Variants in GABBR2 observed in about 807,000 individuals in gnomAD.
GABBR2 encodes the protein G-protein coupled receptor 51.
In GABBR2, 23 loss-of-function variants were observed where a neutral mutation model predicts 105.6. That is an observed-to-expected ratio of 0.22 (90% CI 0.16 to 0.31). The LOEUF is 0.31. GABBR2 is among the 10% of genes least tolerant of loss of function. The pLI, the probability that GABBR2 is intolerant of heterozygous loss-of-function variation, is 1.00. For synonymous variants in GABBR2, 478 were observed against 499.7 expected, an observed-to-expected ratio of 0.96 and a Z score of 0.58; for missense variants, 734 against 1,245.5, an observed-to-expected ratio of 0.59 and a Z score of 6.18.
intron 1 of GABBR2, among the ~76,000 whole-genome samples, chr9:98,666,014 A>C (rs142359843): frequency 1.4e-4 from 21 of 152,350 alleles, no homozygotes; most frequent in Admixed American, 1.1e-3. Context: ...TGTTTGATCC[A>C]CTAACGCAGA....
At chr9:98,600,647 C>T (rs1453823060) in intron 1 of GABBR2, among the ~76,000 whole-genome samples, 2 of 152,242 alleles carry the variant, frequency 1.3e-5, no homozygotes, top group East Asian at 3.8e-4. Flanking sequence ...TTGTTATTTG[C>T]ATTCATGTTA....
chr9:98,319,456 T>A (rs902689991), intron 13 of GABBR2, among the ~76,000 whole-genome samples: 1 of 151,554 alleles, frequency 6.6e-6, no homozygotes, highest in African/African-American at 2.4e-5. Context: ...GGGTGATTTT[T>A]TTTTTTTTTC....
At chr9:98,642,659 T>C (rs1483779014) in intron 1 of GABBR2, among the ~76,000 whole-genome samples, 5 of 152,180 alleles carry the variant, frequency 3.3e-5, no homozygotes, top group African/African-American at 9.6e-5. Flanking sequence ...TTTTAGCACA[T>C]CTTGAGCAGG....
chr9:98,508,343 A>G lies in GABBR2; in HGVS notation c.631-11829T>C, dbSNP rs146959634. ...CTACAGTTCCCAGCGTGAGCGATGC[A>G]GAAGATGGGTGATTTCTGCATTTCC... is the stretch of plus-strand genomic sequence containing the variant. On this transcript the variant is annotated intron_variant, in intron 3 of 18. Transcript: ENST00000259455. Among the ~76,000 whole-genome samples the G allele has an allele frequency of 3.5e-3, 527 of 152,364 alleles. 4 individuals carry two copies. The highest frequency in any genetic ancestry group is 0.012 in the African/African-American group (503 of 41,590).
intron 6 of GABBR2, among the ~76,000 whole-genome samples, chr9:98,463,673 T>C (rs1826472686): frequency 6.9e-6 from 1 of 145,264 alleles, no homozygotes; most frequent in Admixed American, 6.8e-5. Flanking sequence ...TCTCCCTCTC[T>C]TGCAGAGCCT....
chr9:98,492,349 T>TTAAAAAAAAA (rs752135873), intron 4 of GABBR2, among the ~76,000 whole-genome samples: 1 of 29,218 alleles, frequency 3.4e-5, no homozygotes, highest in African/African-American at 7.4e-5. Context: ...TGTTTCCTAG[T>TTAAAAAAAAA]AAAAAAAAAA....
intron 7 of GABBR2, among the ~76,000 whole-genome samples, chr9:98,438,253 C>T (rs1825967045): frequency 1.3e-5 from 2 of 152,112 alleles, no homozygotes; most frequent in Admixed American, 1.3e-4. Flanking sequence ...ATTCATCACT[C>T]ATTCGCCATT....
chr9:98,299,998 G>A (rs960730902), intron 16 of GABBR2, among the ~76,000 whole-genome samples: 1 of 151,804 alleles, frequency 6.6e-6, no homozygotes, highest in Non-Finnish European at 1.5e-5. Context: ...GAGTAGCTGG[G>A]ACTACACGTG....
At chr9:98,322,328 G>T (rs1205538017) in intron 13 of GABBR2, among the ~76,000 whole-genome samples, 1 of 151,980 alleles carries the variant, frequency 6.6e-6, no homozygotes, top group Non-Finnish European at 1.5e-5. Context: ...ATTCTTCAAT[G>T]CCCACCCTGG....
At chr9:98,647,074 AC>A (rs1830035743) in intron 1 of GABBR2, among the ~76,000 whole-genome samples, 1 of 152,106 alleles carries the variant, frequency 6.6e-6, no homozygotes, top group Non-Finnish European at 1.5e-5. Context: ...AAAAATAAAT[AC>A]CCTTTCTGAA....
At chr9:98,681,300 G>C (rs1000589482) in intron 1 of GABBR2, among the ~76,000 whole-genome samples, 1 of 73,460 alleles carries the variant, frequency 1.4e-5, no homozygotes, top group African/African-American at 6.0e-5. Context: ...TAGGGACATG[G>C]ATGAAATTGG....
chr9:98,604,814 G>A (rs752619359), intron 1 of GABBR2, among the ~76,000 whole-genome samples: 12 of 152,176 alleles, frequency 7.9e-5, no homozygotes, highest in Non-Finnish European at 1.6e-4. Flanking sequence ...GGCAAACTGA[G>A]GCTCGGAGAG....
chr9:98,606,524 A>C lies in GABBR2; in HGVS notation c.322-28452T>G, dbSNP rs1829425054. Among the ~76,000 whole-genome samples the C allele has an allele frequency of 2.3e-5, 3 of 131,926 alleles. No homozygotes were observed. In the Admixed American group the frequency reaches 2.7e-4, roughly 12 times the overall value. The allele number at this position is 131,926 out of a possible 152,430, so 86.5% of individuals were successfully genotyped here. On this transcript the variant is annotated intron_variant, in intron 1 of 18. Transcript: ENST00000259455. ...GAGATGGAGTCTCACTCTGTTGCTC[A>C]GGCTGGACTGCAATGGCACAGTCTT...
At chr9:98,642,537 G>A (rs1372373816) in intron 1 of GABBR2, among the ~76,000 whole-genome samples, 1 of 152,170 alleles carries the variant, frequency 6.6e-6, no homozygotes, top group African/African-American at 2.4e-5. Context: ...TCTGAGGTCT[G>A]GTCTAACCTA....
intron 1 of GABBR2, among the ~76,000 whole-genome samples, chr9:98,611,749 C>G (rs753053372): frequency 6.6e-6 from 1 of 152,236 alleles, no homozygotes; most frequent in African/African-American, 2.4e-5. Flanking sequence ...CTCCCACCAC[C>G]GGGTACCTTG....
At chr9:98,508,296 G>C (rs778602257) in intron 3 of GABBR2, among the ~76,000 whole-genome samples, 5 of 152,220 alleles carry the variant, frequency 3.3e-5, no homozygotes, top group Non-Finnish European at 7.3e-5. Flanking sequence ...AGCCAAGATG[G>C]CCGAATAGGA....
intron 13 of GABBR2, among the ~76,000 whole-genome samples, chr9:98,358,639 C>T (rs1564030182): frequency 1.3e-5 from 2 of 152,314 alleles, no homozygotes; most frequent in South Asian, 2.1e-4. Flanking sequence ...GGGCCTGATG[C>T]ATAGCTGGTG....
At chr9:98,644,161 G>T (rs555469047) in intron 1 of GABBR2, among the ~76,000 whole-genome samples, 2 of 152,194 alleles carry the variant, frequency 1.3e-5, no homozygotes, top group Admixed American at 6.5e-5. Flanking sequence ...GGGAAAGATG[G>T]TGTCTACACA....
rs552862181 is a variant in GABBR2 at position 98,447,353 on chromosome 9, G to A, written c.1236+6628C>T. On this transcript the variant is annotated intron_variant, in intron 7 of 18. Coordinates refer to ENST00000259455, the MANE Select transcript of GABBR2 (RefSeq NM_005458.8). ...GCTGGGATTACAGGCGTGAGCCACC[G>A]CGCCCGGCCCCTAAAAAAGACTTCT... Among the ~76,000 whole-genome samples, 11 of 112,704 alleles carry A rather than the reference G, an allele frequency of 9.8e-5. No homozygotes were observed. In the East Asian group the frequency reaches 2.3e-3, roughly 24 times the overall value. 73.9% of individuals were successfully genotyped at this position (112,704 alleles called of 152,430 possible).
Sources: gnomAD v4.1 joint callset for allele counts (sites outside exome capture counted in the v4.1 genomes callset) on GRCh38, gnomAD v4.1.1 for gene constraint, MANE v1.5 for transcripts, NCBI Gene and HGNC (gene_info 2026-07-23, HGNC 2026-07-21) for gene names.